Variants in CADM2 observed in about 807,000 individuals in gnomAD.
The protein encoded by CADM2 is immunoglobulin superfamily member 4D.
In CADM2, 12 loss-of-function variants were observed where a neutral mutation model predicts 49.8. The ratio of observed to expected loss-of-function variants is 0.24; its 90% CI spans 0.15 to 0.39. The LOEUF (loss-of-function observed/expected upper bound fraction) is 0.39, where lower values mean the gene tolerates loss of function less well. Among genes scored for constraint, CADM2 ranks in the 10% least tolerant of loss-of-function variants. CADM2 has a pLI of 1.00. For synonymous variants in CADM2, 214 were observed against 175.4 expected (o/e 1.22, Z -1.74); for missense variants, 378 against 492.3 (o/e 0.77, Z 2.20).
chr3:85,861,420 G>A (rs1302946166), intron 3 of CADM2, among the ~76,000 whole-genome samples: 1 of 152,128 alleles, frequency 6.6e-6, no homozygotes, highest in Non-Finnish European at 1.5e-5. Flanking sequence ...CTTGAGAAAG[G>A]ATGAAGTTGA....
chr3:85,660,487 G>T (rs2065368217), intron 1 of CADM2, among the ~76,000 whole-genome samples: 1 of 150,462 alleles, frequency 6.6e-6, no homozygotes, highest in African/African-American at 2.5e-5. Context: ...TAGTACAAAA[G>T]AAATGCTTTA....
chr3:84,999,282 G>C (rs2033335073), intron 1 of CADM2, among the ~76,000 whole-genome samples: 1 of 152,000 alleles, frequency 6.6e-6, no homozygotes, highest in African/African-American at 2.4e-5. Flanking sequence ...AACCACTCTG[G>C]TCATAATATT....
chr3:85,249,147 G>C (rs981184731), intron 1 of CADM2, among the ~76,000 whole-genome samples: 1 of 151,928 alleles, frequency 6.6e-6, no homozygotes, highest in Non-Finnish European at 1.5e-5. Flanking sequence ...TTCTCTATTT[G>C]ATTGCAACCT....
At chr3:85,567,223 A>G (rs2062292550) in intron 1 of CADM2, among the ~76,000 whole-genome samples, 2 of 152,192 alleles carry the variant, frequency 1.3e-5, no homozygotes, top group Admixed American at 1.3e-4. Flanking sequence ...TTGTGTGCAA[A>G]TCTCATCAGG....
At chr3:85,238,747 C>T (rs1290333033) in intron 1 of CADM2, among the ~76,000 whole-genome samples, 2 of 151,762 alleles carry the variant, frequency 1.3e-5, no homozygotes, top group Non-Finnish European at 2.9e-5. Context: ...AAATAATGAC[C>T]TTCCTAAAAT....
chr3:85,604,821 C>T (rs1223088987), intron 1 of CADM2, among the ~76,000 whole-genome samples: 5 of 152,040 alleles, frequency 3.3e-5, no homozygotes, highest in African/African-American at 4.8e-5. Flanking sequence ...AGGGGGAATG[C>T]GAGTCATCCC....
chr3:85,894,284 G>C (rs918692604), intron 5 of CADM2, among the ~76,000 whole-genome samples: 2 of 152,100 alleles, frequency 1.3e-5, no homozygotes, highest in African/African-American at 2.4e-5. Flanking sequence ...ACTCATATGT[G>C]GGAATTGAGC....
chr3:85,013,977 G>T (rs1201099172), intron 1 of CADM2, among the ~76,000 whole-genome samples: 1 of 135,262 alleles, frequency 7.4e-6, no homozygotes, highest in Non-Finnish European at 1.6e-5. Flanking sequence ...TAATAATATT[G>T]TATATTATAT....
At chr3:85,182,770 T>A (rs995279109) in intron 1 of CADM2, among the ~76,000 whole-genome samples, 13 of 152,138 alleles carry the variant, frequency 8.5e-5, no homozygotes, top group African/African-American at 3.1e-4. Context: ...ATTAAAATTA[T>A]CAGTTGTCTT....
At position 85,174,103 on chromosome 3, in the gene CADM2, G is replaced by A. The variant is rs187827301; in HGVS notation, c.61+214435G>A. On this transcript the variant is annotated intron_variant, in intron 1 of 9. Coordinates refer to ENST00000383699, the MANE Select transcript of CADM2 (RefSeq NM_001167675.2). ...CACAGTGGGCTCACTCTGTTCCAGC[G>A]CACCCCATCTCATTGTTGGGCAGCT... Among the ~76,000 whole-genome samples, 127 of 152,066 alleles carry A rather than the reference G, an allele frequency of 8.4e-4. 1 individual carries two copies. Among genetic ancestry groups the A allele is most frequent in the Non-Finnish European group, 8.8e-4 (60 of 67,968 alleles).
At chr3:85,914,467 T>A (rs1332341235) in intron 6 of CADM2, among the ~76,000 whole-genome samples, 2 of 152,168 alleles carry the variant, frequency 1.3e-5, no homozygotes, top group African/African-American at 2.4e-5. Flanking sequence ...TAAAAAATTG[T>A]GTAACAATAT....
chr3:85,243,317 G>A (rs752057843), intron 1 of CADM2, among the ~76,000 whole-genome samples: 7 of 151,734 alleles, frequency 4.6e-5, no homozygotes, highest in African/African-American at 1.7e-4. Context: ...AGTAGGTATC[G>A]TATATCTTTT....
intron 8 of CADM2, among the ~76,000 whole-genome samples, chr3:85,997,475 C>A (rs1729572359): frequency 6.6e-6 from 1 of 152,000 alleles, no homozygotes; most frequent in Admixed American, 6.6e-5. Context: ...CTACTACTGG[C>A]CACAAATCAT....
intron 1 of CADM2, among the ~76,000 whole-genome samples, chr3:85,339,672 T>C (rs1340167948): frequency 1.3e-5 from 2 of 151,494 alleles, no homozygotes; most frequent in African/African-American, 4.8e-5. Flanking sequence ...ATTGACTTGG[T>C]ATCTGTAGGC....
chr3:85,618,633 G>A (rs2063870491), intron 1 of CADM2, among the ~76,000 whole-genome samples: 1 of 151,974 alleles, frequency 6.6e-6, no homozygotes, highest in Non-Finnish European at 1.5e-5. Context: ...ATCTTGATAT[G>A]TATTTGTGTG....
intron 1 of CADM2, among the ~76,000 whole-genome samples, chr3:85,484,380 A>G (rs917688852): frequency 1.3e-5 from 2 of 151,900 alleles, no homozygotes; most frequent in African/African-American, 4.8e-5. Context: ...ATTTCTTAGG[A>G]TTATGTAAAC....
intron 1 of CADM2, among the ~76,000 whole-genome samples, chr3:85,589,492 C>T (rs1299728926): frequency 1.3e-5 from 2 of 152,006 alleles, no homozygotes; most frequent in East Asian, 1.9e-4. Context: ...CAGAATTGTT[C>T]TGTCATAGGT....
chr3:85,346,908 C>A (rs1040898120), intron 1 of CADM2, among the ~76,000 whole-genome samples: 1 of 151,818 alleles, frequency 6.6e-6, no homozygotes, highest in African/African-American at 2.4e-5. Context: ...CAAATAAAAA[C>A]GTGAAAAAAA....
At chr3:85,742,988 C>T (rs1463005428) in intron 2 of CADM2, among the ~76,000 whole-genome samples, 1 of 152,106 alleles carries the variant, frequency 6.6e-6, no homozygotes, top group Non-Finnish European at 1.5e-5. Context: ...TTTCCTTTTT[C>T]TGAGTCTACC....
Sources: gnomAD v4.1 joint callset for allele counts (sites outside exome capture counted in the v4.1 genomes callset) on GRCh38, gnomAD v4.1.1 for gene constraint, MANE v1.5 for transcripts, NCBI Gene and HGNC (gene_info 2026-07-23, HGNC 2026-07-21) for gene names.